The following GPN2 variants were observed in gnomAD, a reference collection of about 807,000 sequenced individuals.
GPN2 encodes the protein ATP-binding domain 1 family member B.
Under a neutral mutation model 30.1 loss-of-function variants are expected in GPN2, and 27 were observed. The ratio of observed to expected loss-of-function variants is 0.90; its 90% CI spans 0.66 to 1.24. The LOEUF is 1.24. Among genes scored for constraint, GPN2 ranks in the 50% most tolerant of loss-of-function variants. The pLI is 0.00. For synonymous variants in GPN2, 212 were observed against 174.4 expected, an observed-to-expected ratio of 1.22 and a Z score of -1.70; for missense variants, 406 against 405.4, an observed-to-expected ratio of 1.00 and a Z score of -0.01.
In GPN2 at chr1:26,879,320, T is replaced by C; in HGVS notation, c.*357A>G. 1 of 247,080 alleles carries C rather than the reference T, an allele frequency of 4.0e-6. No homozygotes were observed. The highest frequency in any genetic ancestry group is 8.1e-6 in the Non-Finnish European group (1 of 122,984). 15.3% of individuals were successfully genotyped at this position (247,080 alleles called of 1,614,324 possible). A position where few individuals can be genotyped will look rare whatever the true frequency, so the allele number is the denominator to read the frequency against. ...TATTCCAAGGCTAGGTGACACTCCCTCATTCTTCCCCAAACCCCTGGGCCC... is the reference window on the plus strand; with the variant it reads ...TATTCCAAGGCTAGGTGACACTCCCCCATTCTTCCCCAAACCCCTGGGCCC... On this transcript the variant is annotated 3_prime_UTR_variant, in exon 5 of 5. Transcript: ENST00000374135.
intron 3 of GPN2, 104 bp downstream of exon 3, chr1:26,885,867 CCG>C: frequency 2.2e-6 from 2 of 889,204 alleles, no homozygotes; most frequent in Non-Finnish European, 3.6e-6. Context: ...GCTTGAGCAA[CCG>C]CGCCCAGCCG....
At chr1:26,881,385 T>C (rs2081863470) in intron 4 of GPN2, among the ~76,000 whole-genome samples, 1 of 152,248 alleles carries the variant, frequency 6.6e-6, no homozygotes, top group Admixed American at 6.5e-5. Context: ...ATGTAATTTA[T>C]TGAATACTGT....
chr1:26,889,672 G>C lies in GPN2; in HGVS notation c.411+14C>G. 1 of 1,556,266 alleles carries C rather than the reference G, an allele frequency of 6.4e-7. No individual in the cohort carries two copies. Among genetic ancestry groups the C allele is most frequent in the South Asian group, 1.2e-5 (1 of 82,510 alleles). On this transcript the variant is annotated intron_variant, in intron 1 of 4. Transcript: ENST00000374135. ...CTCCATCCGCAAAATGGGCCTCCCC[G>C]CCCTGAGACGCACCCTGAGGTCCCA...
At chr1:26,884,997 C>CA (rs991783553) in intron 3 of GPN2, among the ~76,000 whole-genome samples, 12 of 150,628 alleles carry the variant, frequency 8.0e-5, no homozygotes, top group Non-Finnish European at 1.0e-4. Context: ...CAAAACAAAA[C>CA]AAAAAAAAAC....
Position 26,890,118 on chromosome 1 carries a change from A to C in GPN2, c.-22T>G. On this transcript the variant is annotated 5_prime_UTR_variant, in exon 1 of 5. Coordinates refer to ENST00000374135, the MANE Select transcript of GPN2 (RefSeq NM_018066.4). ...CCATTGGCGGCCCGCGGCCCGGAGC[A>C]GGTCAACTCACAGGGAAAACGGGGC... 1 of 1,486,682 alleles carries C rather than the reference A, an allele frequency of 6.7e-7. No individual in the cohort carries two copies. The highest frequency in any genetic ancestry group is 8.9e-7 in the Non-Finnish European group (1 of 1,125,146). 92.1% of individuals were successfully genotyped at this position (1,486,682 alleles called of 1,614,324 possible). A position where few individuals can be genotyped will look rare whatever the true frequency, so the allele number is the denominator to read the frequency against.
chr1:26,886,993 CAAAA>C (rs11309173), intron 2 of GPN2, among the ~76,000 whole-genome samples: 2 of 78,814 alleles, frequency 2.5e-5, no homozygotes, highest in Non-Finnish European at 2.4e-5. Context: ...AACTCTGTCT[CAAAA>C]AAAAAAAAAA....
intron 2 of GPN2, among the ~76,000 whole-genome samples, chr1:26,888,647 C>G (rs558519727): frequency 1.3e-5 from 2 of 152,324 alleles, no homozygotes; most frequent in South Asian, 4.1e-4. Context: ...CCAGACCACA[C>G]GATGATTCAG....
At chr1:26,879,839 C>T (rs2081855891) in intron 4 of GPN2, 90 bp from the exon 5 acceptor site, 2 of 799,168 alleles carry the variant, frequency 2.5e-6, no homozygotes, top group Non-Finnish European at 4.4e-6. Context: ...GCCTACACTC[C>T]AACCATGTCC....
At position 26,878,905 on chromosome 1, in the gene GPN2, A is replaced by G. The variant is rs1195380331; in HGVS notation, c.*772T>C. On this transcript the variant is annotated 3_prime_UTR_variant, in exon 5 of 5. Coordinates refer to ENST00000374135, the MANE Select transcript of GPN2 (RefSeq NM_018066.4). ...GCCACCGCACCCAGCCTTGAAGTAA[A>G]CTTTTAACCACTACTGTAAATGGAA... The G allele has an allele frequency of 2.0e-5, 3 of 152,236 alleles. No individual in the cohort carries two copies. Among genetic ancestry groups the G allele is most frequent in the Admixed American group, 6.6e-5 (1 of 15,262 alleles). The allele number at this position is 152,236 out of a possible 1,614,324, so 9.4% of individuals were successfully genotyped here.
chr1:26,887,428 AC>A (rs1187882340), intron 2 of GPN2, among the ~76,000 whole-genome samples: 2 of 152,102 alleles, frequency 1.3e-5, no homozygotes, highest in Non-Finnish European at 2.9e-5. Flanking sequence ...GCCTCCCTGG[AC>A]AAGGTCCCGA....
In GPN2 at chr1:26,889,110, G is replaced by A. The variant is rs2081906385; in HGVS notation, c.427C>T (p.Leu143Phe). 2.5e-6 allele frequency: 4 copies of A among 1,613,680 alleles called. No individual in the cohort carries two copies. The highest frequency in any genetic ancestry group is 3.4e-6 in the Non-Finnish European group (4 of 1,179,666). The part of the protein sequence containing the change: ...QWDLRLTAVH[L>F]VDSHYCTDPA... ...TCTGTGCAGTAGTGAGAATCCACGAGGTGGACGGCAGTCAGCTGGGAGGGA... is the reference window on the plus strand; with the variant it reads ...TCTGTGCAGTAGTGAGAATCCACGAAGTGGACGGCAGTCAGCTGGGAGGGA... Residue 143 changes from leucine to phenylalanine, a missense_variant, in exon 2 of 5, where the codon CTC becomes TTC. Transcript: ENST00000374135.
rs954996884 is a variant in GPN2 at position 26,878,021 on chromosome 1, G to A, written c.*1656C>T. 2.0e-5 allele frequency: 3 copies of A among 152,210 alleles called. No homozygotes were observed. Among genetic ancestry groups the A allele is most frequent in the African/African-American group, 7.2e-5 (3 of 41,532 alleles). The allele number at this position is 152,210 out of a possible 1,614,324, so 9.4% of individuals were successfully genotyped here. A position where few individuals can be genotyped will look rare whatever the true frequency, so the allele number is the denominator to read the frequency against. On this transcript the variant is annotated 3_prime_UTR_variant, in exon 5 of 5. Transcript: ENST00000374135. ...GACTCCAGCCTGGGCGACAGAGAGA[G>A]ACTTTGTCTCCAAAAAAAGAAAGTC...
intron 4 of GPN2, among the ~76,000 whole-genome samples, chr1:26,881,892 G>A (rs1327073103): frequency 2.0e-5 from 3 of 151,770 alleles, no homozygotes; most frequent in African/African-American, 4.8e-5. Context: ...CCTGGGCAAA[G>A]GAGCAAGACC....
intron 1 of GPN2, 150 bp downstream of exon 1, chr1:26,889,536 T>A (rs983880477): frequency 1.4e-6 from 1 of 704,868 alleles, no homozygotes; most frequent in East Asian, 2.6e-5. Context: ...ACACAGCCAG[T>A]CAGTAGCAGA....
At chr1:26,885,578 CT>C (rs35274818) in intron 3 of GPN2, among the ~76,000 whole-genome samples, 7,836 of 131,792 alleles carry the variant, frequency 0.059, 177 homozygotes, top group Non-Finnish European at 0.081. Flanking sequence ...AAAGACCACT[CT>C]TTTTTTTTTT....
intron 3 of GPN2, among the ~76,000 whole-genome samples, chr1:26,884,559 G>A (rs1411688506): frequency 2.6e-5 from 4 of 152,110 alleles, no homozygotes; most frequent in Non-Finnish European, 5.9e-5. Context: ...TGTAATAAAC[G>A]CCTATTAACT....
At chr1:26,888,624 T>C (rs1357545206) in intron 2 of GPN2, among the ~76,000 whole-genome samples, 3 of 152,218 alleles carry the variant, frequency 2.0e-5, no homozygotes, top group African/African-American at 7.2e-5. Context: ...TCCAGAGAGA[T>C]GAACTGACTT....
At position 26,876,217 on chromosome 1, in the gene GPN2, C is replaced by A; in HGVS notation, c.*3460G>T. 6.7e-6 allele frequency: 1 copy of A among 149,888 alleles called. No homozygotes were observed. The highest frequency in any genetic ancestry group is 2.1e-4 in the South Asian group (1 of 4,734). 9.3% of individuals were successfully genotyped at this position (149,888 alleles called of 1,614,324 possible). On this transcript the variant is annotated 3_prime_UTR_variant, in exon 5 of 5. Coordinates refer to ENST00000374135, the MANE Select transcript of GPN2 (RefSeq NM_018066.4). ...TATGGGATTCTGGGTGACTCATTTT[C>A]GTTTTTTTTTTTTTTGAGATGTACT...
intron 3 of GPN2, among the ~76,000 whole-genome samples, chr1:26,885,769 C>T (rs540390493): frequency 5.4e-4 from 82 of 151,960 alleles, no homozygotes; most frequent in African/African-American, 1.4e-3. Context: ...TTAGTAGAGA[C>T]GGGGTTTCAC....
Sources: gnomAD v4.1 joint callset for allele counts (sites outside exome capture counted in the v4.1 genomes callset) on GRCh38, gnomAD v4.1.1 for gene constraint, MANE v1.5 for transcripts, NCBI Gene and HGNC (gene_info 2026-07-23, HGNC 2026-07-21) for gene names.